Variants in MDH1 observed in about 807,000 individuals in gnomAD.
MDH1 encodes malate dehydrogenase 1, also known as malate dehydrogenase, cytoplasmic.
MDH1 carries 15 observed loss-of-function variants against 38.7 expected under a neutral mutation model. The observed-to-expected ratio is 0.39, with a 90% CI of 0.26 to 0.60. The LOEUF (loss-of-function observed/expected upper bound fraction) is 0.60, where lower values mean the gene tolerates loss of function less well. Among genes scored for constraint, MDH1 ranks in the 20% least tolerant of loss-of-function variants. The pLI is 0.56. For synonymous variants in MDH1, 144 were observed against 143.6 expected (o/e 1.00, Z -0.02); for missense variants, 368 against 405.2 (o/e 0.91, Z 0.79).
chr2:63,605,246 G>T, intron 6 of MDH1, 34 bp from the exon 7 acceptor site: 1 of 1,405,156 alleles, frequency 7.1e-7, no homozygotes, highest in Non-Finnish European at 1.0e-6. Context: ...TCATGACCAA[G>T]TAATACTGCT....
intron 3 of MDH1, among the ~76,000 whole-genome samples, chr2:63,597,016 A>C (rs1709326763): frequency 6.6e-6 from 1 of 152,234 alleles, no homozygotes; most frequent in African/African-American, 2.4e-5. Flanking sequence ...TTGGTGTCTT[A>C]GACCTTAAAG....
At chr2:63,589,151 C>A in intron 1 of MDH1, 105 bp downstream of exon 1, 1 of 1,612,520 alleles carries the variant, frequency 6.2e-7, no homozygotes, top group Non-Finnish European at 8.5e-7. Context: ...AAGGCACTGT[C>A]CTTCGCGCCC....
chr2:63,591,034 A>C (rs762576807), intron 1 of MDH1: 1 of 152,260 alleles, frequency 6.6e-6, no homozygotes, highest in African/African-American at 2.4e-5. Flanking sequence ...TTTGAAAGTG[A>C]AAAAGAAATA....
In MDH1 at chr2:63,597,573, A is replaced by C. The variant is rs772447969; in HGVS notation, c.374A>C (p.Lys125Thr). ...ALDKYAKKSV[K>T]VIVVGNPANT... is the part of the protein sequence containing the mutation. ...GATAAATACGCCAAGAAGTCAGTTA[A>C]GGTGACCAATGCTGTATTTTATGGG... Residue 125 changes from lysine to threonine, a missense_variant and splice_region_variant, in exon 4 of 9, where the codon AAG (lysine) becomes ACG (threonine). Transcript: ENST00000233114. 1 of 1,402,136 alleles carries C rather than the reference A, an allele frequency of 7.1e-7. No homozygotes were observed. The highest frequency in any genetic ancestry group is 2.7e-5 in the Admixed American group (1 of 37,086). 86.9% of individuals were successfully genotyped at this position (1,402,136 alleles called of 1,614,324 possible).
In MDH1 at chr2:63,588,989, T is replaced by G; in HGVS notation, c.-55T>G. The G allele has an allele frequency of 1.9e-6, 3 of 1,614,028 alleles. No homozygotes were observed. The highest frequency in any genetic ancestry group is 3.3e-5 in the Admixed American group (2 of 60,036). Reference sequence around the variant, plus strand: ...AGTCAGTTCCGCGGTAGAGGTGACCTGACTCTCTGAGGCTCATTTTGCAGT... The same window carrying G: ...AGTCAGTTCCGCGGTAGAGGTGACCGGACTCTCTGAGGCTCATTTTGCAGT... On this transcript the variant is annotated 5_prime_UTR_variant, in exon 1 of 9. Transcript: ENST00000233114.
At position 63,604,883 on chromosome 2, in the gene MDH1, TC is replaced by T. The variant is rs1163169280; in HGVS notation, c.675+12del. On this transcript the variant is annotated intron_variant, in intron 6 of 8. Coordinates refer to ENST00000233114, the MANE Select transcript of MDH1 (RefSeq NM_005917.4). ...GGAGAATTTGTCACGGTAAGAAAAATCTGTGAGCCTTCTTAACACTGAGCGT... is the reference window on the plus strand; with the variant it reads ...GGAGAATTTGTCACGGTAAGAAAAATTGTGAGCCTTCTTAACACTGAGCGT... The T allele has an allele frequency of 1.2e-5, 20 of 1,613,492 alleles. No homozygotes were observed. The highest frequency in any genetic ancestry group is 1.7e-5 in the Non-Finnish European group (20 of 1,179,746).
At chr2:63,589,242 T>A in intron 1 of MDH1, 196 bp downstream of exon 1, 1 of 1,554,698 alleles carries the variant, frequency 6.4e-7, no homozygotes, top group Non-Finnish European at 8.7e-7. Flanking sequence ...CCTTGCGGGG[T>A]ATGGGGCGCT....
chr2:63,599,010 T>TA (rs1244819845), intron 4 of MDH1, among the ~76,000 whole-genome samples, 160 bp from the exon 5 acceptor site: 1 of 152,250 alleles, frequency 6.6e-6, no homozygotes, highest in Admixed American at 6.5e-5. Flanking sequence ...AAAAGATTTT[T>TA]ATAACTTAAA....
chr2:63,589,250 G>T, intron 1 of MDH1: 1 of 1,552,810 alleles, frequency 6.4e-7, no homozygotes, highest in East Asian at 2.4e-5. Context: ...GGTATGGGGC[G>T]CTCTTAGGAG....
At chr2:63,594,836 C>T (rs184879299) in intron 2 of MDH1, 2 of 365,054 alleles carry the variant, frequency 5.5e-6, no homozygotes, top group African/African-American at 2.1e-5. Context: ...CAGCAGGTGT[C>T]AGTCAATGGG....
chr2:63,601,044 A>G (rs972070306), intron 5 of MDH1, among the ~76,000 whole-genome samples: 2 of 152,192 alleles, frequency 1.3e-5, no homozygotes, highest in Non-Finnish European at 2.9e-5. Flanking sequence ...AACAGTTCTC[A>G]CTGCAGGGCT....
At chr2:63,603,812 C>A (rs1349844922) in intron 5 of MDH1, among the ~76,000 whole-genome samples, 1 of 152,144 alleles carries the variant, frequency 6.6e-6, no homozygotes, top group Non-Finnish European at 1.5e-5. Context: ...CATGTGCCAC[C>A]AAGCCCGGCT....
chr2:63,598,937 T>C (rs1251405955), intron 4 of MDH1, among the ~76,000 whole-genome samples: 1 of 151,866 alleles, frequency 6.6e-6, no homozygotes, highest in East Asian at 1.9e-4. Flanking sequence ...TCAGTCTCTG[T>C]AATATGGTTG....
In MDH1 at chr2:63,597,414, A is replaced by G; in HGVS notation, c.215A>G (p.Asp72Gly). ...LPLLKDVIAT[D>G]KEDVAFKDLD... Reference sequence around the variant, plus strand: ...ATGTCCACAGATGTCATCGCAACAGATAAAGAAGACGTTGCCTTCAAAGAC... The same window carrying G: ...ATGTCCACAGATGTCATCGCAACAGGTAAAGAAGACGTTGCCTTCAAAGAC... Residue 72 changes from aspartate (D) to glycine (G), a missense_variant, in exon 4 of 9, where the codon GAT becomes GGT. By Grantham distance (94) the Asp-to-Gly change is moderately conservative. Transcript: ENST00000233114. 6.9e-7 allele frequency: 1 copy of G among 1,440,112 alleles called. No individual in the cohort carries two copies. The highest frequency in any genetic ancestry group is 1.6e-5 in the South Asian group (1 of 64,060). The allele number at this position is 1,440,112 out of a possible 1,614,324, so 89.2% of individuals were successfully genotyped here. A position where few individuals can be genotyped will look rare whatever the true frequency, so the allele number is the denominator to read the frequency against.
chr2:63,594,429 C>T (rs1709262589), intron 1 of MDH1, 59 bp from the exon 2 acceptor site: 2 of 1,224,198 alleles, frequency 1.6e-6, no homozygotes, highest in Admixed American at 1.7e-5. Context: ...GATTAAAATC[C>T]TGGATATTTT....
In MDH1 at chr2:63,603,882, G is replaced by A. The variant is rs534969235; in HGVS notation, c.499-814G>A. The stretch of plus-strand genomic sequence containing the variant: ...ATGTTGGTCAGGCTGGTCTCGAACT[G>A]TCAACCTCAGGTGATCTGCCCGCCT... On this transcript the variant is annotated intron_variant, in intron 5 of 8. Coordinates refer to ENST00000233114, the MANE Select transcript of MDH1 (RefSeq NM_005917.4). 2.0e-5 allele frequency among the ~76,000 whole-genome samples: 3 copies of A among 152,078 alleles called. No individual in the cohort carries two copies. In the South Asian group the frequency reaches 6.2e-4, roughly 32 times the overall value.
chr2:63,595,618 A>C, intron 3 of MDH1, 99 bp downstream of exon 3: 1 of 725,158 alleles, frequency 1.4e-6, no homozygotes, highest in Non-Finnish European at 2.4e-6. Flanking sequence ...AAATTATTTC[A>C]TAAGAGGATT....
In MDH1 at chr2:63,603,048, CT is replaced by C. The variant is rs751146320; in HGVS notation, c.499-1647del. Among the ~76,000 whole-genome samples, 57 of 151,608 alleles carry C rather than the reference CT, an allele frequency of 3.8e-4. No individual in the cohort carries two copies. In the Middle Eastern group the frequency reaches 0.01, roughly 27 times the overall value. ...GATCTCGGCTCACTGCAACCTCCGC[CT>C]CCCAGGTTCAAGAGATTCTCCTGCC... On this transcript the variant is annotated intron_variant, in intron 5 of 8. Coordinates refer to ENST00000233114, the MANE Select transcript of MDH1 (RefSeq NM_005917.4).
intron 1 of MDH1, among the ~76,000 whole-genome samples, chr2:63,591,888 CTGTT>C (rs1459184968): frequency 6.6e-6 from 1 of 152,198 alleles, no homozygotes; most frequent in Non-Finnish European, 1.5e-5. Flanking sequence ...TAAAACTACT[CTGTT>C]TGTTAGGTAA....
Sources: gnomAD v4.1 joint callset for allele counts (sites outside exome capture counted in the v4.1 genomes callset) on GRCh38, gnomAD v4.1.1 for gene constraint, MANE v1.5 for transcripts, NCBI Gene and HGNC (gene_info 2026-07-23, HGNC 2026-07-21) for gene names.